KCNH5: variants seen among roughly 807,000 people sequenced by gnomAD.
The protein encoded by KCNH5 is voltage-gated delayed rectifier potassium channel KCNH5.
KCNH5 carries 46 observed loss-of-function variants against 96.1 expected under a neutral mutation model. The observed-to-expected ratio is 0.48, with a 90% confidence interval of 0.38 to 0.61. The LOEUF is 0.61. Ranked by LOEUF, KCNH5 falls within the 20% of genes least tolerant of loss-of-function variation. KCNH5 has a pLI of 0.00. For missense variants in KCNH5, 907 were observed against 1,225.8 expected (o/e 0.74, Z 3.88); for synonymous variants, 439 against 449.8 (o/e 0.98, Z 0.30).
chr14:63,026,905 A>T (rs949158828), intron 1 of KCNH5, among the ~76,000 whole-genome samples: 10 of 152,092 alleles, frequency 6.6e-5, no homozygotes, highest in African/African-American at 2.4e-4. Context: ...CTGCATGCTC[A>T]TGGTTATTGC....
At chr14:63,011,366 G>A (rs972841534) in intron 2 of KCNH5, among the ~76,000 whole-genome samples, 6 of 151,406 alleles carry the variant, frequency 4.0e-5, no homozygotes, top group East Asian at 1.9e-4. Context: ...TAACCCCATC[G>A]ACTTGGGAGG....
intron 7 of KCNH5, 21 bp downstream of exon 7, chr14:62,950,112 T>C (rs1326302138): frequency 1.2e-6 from 2 of 1,607,154 alleles, no homozygotes; most frequent in Non-Finnish European, 8.5e-7. Context: ...TAATTTTCAA[T>C]GAAAAAATTA....
chr14:62,763,069 C>G (rs2139957883), intron 10 of KCNH5, among the ~76,000 whole-genome samples: 1 of 152,234 alleles, frequency 6.6e-6, no homozygotes, highest in Middle Eastern at 3.4e-3. Flanking sequence ...GAACACTCTA[C>G]CCAACAACAA....
rs75662628 is a variant in KCNH5, at chr14:62,866,798, T to A, written c.1370-16946A>T. On this transcript the variant is annotated intron_variant, in intron 7 of 10. Coordinates refer to ENST00000322893, the MANE Select transcript of KCNH5 (RefSeq NM_139318.5). ...TCCTTTCCATTTACAGATCAGAAAT[T>A]GGTCACTTCTCCTCATCCACATTAC... Among the ~76,000 whole-genome samples, 350 of 152,222 alleles carry A rather than the reference T, an allele frequency of 2.3e-3. 4 individuals carry two copies. Among genetic ancestry groups the A allele is most frequent in the East Asian group, 0.013 (66 of 5,178 alleles).
Position 62,703,952 on chromosome 14 carries a change from T to C in KCNH5, c.*3556A>G, listed in dbSNP as rs1406198784. On this transcript the variant is annotated 3_prime_UTR_variant, in exon 11 of 11. Coordinates refer to ENST00000322893, the MANE Select transcript of KCNH5 (RefSeq NM_139318.5). ...AAACAGTCACTGCTCTGAAGGCTAATATTAAAAAAAATTCCAAATGACTTT... is the reference window on the plus strand; with the variant it reads ...AAACAGTCACTGCTCTGAAGGCTAACATTAAAAAAAATTCCAAATGACTTT... The C allele has an allele frequency of 1.3e-5, 2 of 151,874 alleles. No homozygotes were observed. The highest frequency in any genetic ancestry group is 4.8e-5 in the African/African-American group (2 of 41,410). The allele number at this position is 151,874 out of a possible 1,614,324, so 9.4% of individuals were successfully genotyped here. A position where few individuals can be genotyped will look rare whatever the true frequency, so the allele number is the denominator to read the frequency against.
At chr14:62,802,235 C>CA in intron 9 of KCNH5, 94 bp downstream of exon 9, 1 of 1,327,452 alleles carries the variant, frequency 7.5e-7, no homozygotes, top group Non-Finnish European at 1.0e-6. Flanking sequence ...CCAAAGTTAC[C>CA]AAACAAAGGA....
chr14:62,851,185 ATTTT>A (rs1166037227), intron 7 of KCNH5, among the ~76,000 whole-genome samples: 1 of 152,108 alleles, frequency 6.6e-6, no homozygotes, highest in East Asian at 1.9e-4. Flanking sequence ...GTGCAGGACA[ATTTT>A]TTAAGACAGA....
At chr14:62,892,749 T>C (rs528789489) in intron 7 of KCNH5, among the ~76,000 whole-genome samples, 2 of 152,308 alleles carry the variant, frequency 1.3e-5, no homozygotes, top group East Asian at 3.9e-4. Context: ...ATGCGAAATC[T>C]ACTCTACCTG....
At chr14:62,770,928 T>TA (rs150451291) in intron 10 of KCNH5, among the ~76,000 whole-genome samples, 1 of 152,196 alleles carries the variant, frequency 6.6e-6, no homozygotes, top group Non-Finnish European at 1.5e-5. Context: ...CTAGTATGGC[T>TA]GTATTTGGAG....
At chr14:62,740,018 G>C (rs1324848373) in intron 10 of KCNH5, among the ~76,000 whole-genome samples, 2 of 151,980 alleles carry the variant, frequency 1.3e-5, no homozygotes, top group Admixed American at 6.6e-5. Context: ...CTTTCCTCTC[G>C]ACAGACAAAC....
At chr14:63,006,343 T>C in intron 3 of KCNH5, 23 bp downstream of exon 3, 4 of 1,397,572 alleles carry the variant, frequency 2.9e-6, no homozygotes, top group Non-Finnish European at 4.1e-6. Flanking sequence ...TTGGCACATC[T>C]TATTAATAAT....
chr14:62,790,748 T>G (rs1171507089), intron 9 of KCNH5, among the ~76,000 whole-genome samples: 3 of 151,694 alleles, frequency 2.0e-5, no homozygotes, highest in Non-Finnish European at 4.4e-5. Context: ...GTAAGTGAGA[T>G]TTTTTTCTTG....
chr14:62,933,469 G>T (rs144059353), intron 7 of KCNH5, among the ~76,000 whole-genome samples: 2 of 152,082 alleles, frequency 1.3e-5, no homozygotes, highest in African/African-American at 4.8e-5. Flanking sequence ...GTGTGTGTGT[G>T]TGTATGTGTG....
In KCNH5 at chr14:62,802,377, A is replaced by T. The variant is rs1163894442; in HGVS notation, c.1774T>A (p.Ser592Thr). 1 of 1,614,138 alleles carries T rather than the reference A, an allele frequency of 6.2e-7. No individual in the cohort carries two copies. The highest frequency in any genetic ancestry group is 2.2e-5 in the East Asian group (1 of 44,854). Residue 592 changes from serine (S) to threonine (T), a missense_variant, in exon 9 of 11, where the codon TCA becomes ACA. Ser to Thr is a moderately conservative substitution (Grantham distance 58). Coordinates refer to ENST00000322893, the MANE Select transcript of KCNH5 (RefSeq NM_139318.5). ...ESVDALCFVVSGSLEVIQDDE... is the reference protein window; with the variant it reads ...ESVDALCFVVTGSLEVIQDDE... ...TCCTGGATGACTTCCAAGGATCCTG[A>T]CACCACAAAGCAGAGGGCATCCACA...
chr14:62,983,244 C>T (rs1244026877), intron 5 of KCNH5, among the ~76,000 whole-genome samples: 2 of 151,956 alleles, frequency 1.3e-5, no homozygotes, highest in East Asian at 1.9e-4. Context: ...CTTGTTGGCA[C>T]GTGCCTGCAG....
At chr14:63,042,533 G>T (rs1467157523) in intron 1 of KCNH5, among the ~76,000 whole-genome samples, 1 of 152,090 alleles carries the variant, frequency 6.6e-6, no homozygotes, top group Non-Finnish European at 1.5e-5. Flanking sequence ...TTGTTAAATA[G>T]ATTGGGAGTG....
intron 10 of KCNH5, among the ~76,000 whole-genome samples, chr14:62,777,301 A>C (rs1026269613): frequency 6.6e-6 from 1 of 152,210 alleles, no homozygotes; most frequent in Non-Finnish European, 1.5e-5. Flanking sequence ...ATTCAAATGC[A>C]GGCCCTGACT....
intron 10 of KCNH5, among the ~76,000 whole-genome samples, chr14:62,755,855 A>T (rs894886478): frequency 2.0e-5 from 3 of 152,254 alleles, no homozygotes; most frequent in African/African-American, 7.2e-5. Context: ...AAGGAAAAAA[A>T]ATTACATGAT....
rs1312832050 is a variant in KCNH5, at chr14:62,704,151, A to G, written c.*3357T>C. On this transcript the variant is annotated 3_prime_UTR_variant, in exon 11 of 11. Coordinates refer to ENST00000322893, the MANE Select transcript of KCNH5 (RefSeq NM_139318.5). ...CTATTAAAGTGTTGAGTACAACAGAAGTACACATTTTTTCTAGAGCAATTT... is the reference window on the plus strand; with the variant it reads ...CTATTAAAGTGTTGAGTACAACAGAGGTACACATTTTTTCTAGAGCAATTT... 6.6e-6 allele frequency: 1 copy of G among 151,910 alleles called. No homozygotes were observed. 9.4% of individuals were successfully genotyped at this position (151,910 alleles called of 1,614,324 possible).
Sources: gnomAD v4.1 joint callset for allele counts (sites outside exome capture counted in the v4.1 genomes callset) on GRCh38, gnomAD v4.1.1 for gene constraint, MANE v1.5 for transcripts, NCBI Gene and HGNC (gene_info 2026-07-23, HGNC 2026-07-21) for gene names.